Variants in TNRC6B observed in about 807,000 individuals in gnomAD.
TNRC6B encodes trinucleotide repeat containing adaptor 6B, also known as trinucleotide repeat-containing gene 6B protein.
In TNRC6B, 52 loss-of-function variants were observed where a neutral mutation model predicts 203.6. The observed-to-expected ratio is 0.26, with a 90% CI of 0.20 to 0.32. The LOEUF (loss-of-function observed/expected upper bound fraction) is 0.32. Ranked by LOEUF, TNRC6B falls within the 10% of genes least tolerant of loss-of-function variation. The pLI is 1.00. For missense variants in TNRC6B, 1,923 were observed against 2,286.2 expected (o/e 0.84, Z 3.24); for synonymous variants, 838 against 845.7 (o/e 0.99, Z 0.16).
At chr22:40,184,038 G>T (rs2069171258) in intron 1 of TNRC6B, among the ~76,000 whole-genome samples, 1 of 152,154 alleles carries the variant, frequency 6.6e-6, no homozygotes, top group Non-Finnish European at 1.5e-5. Flanking sequence ...TAGGTCCATT[G>T]CCCACTTTAT....
At chr22:40,073,145 T>G (rs901602059) in intron 1 of TNRC6B, among the ~76,000 whole-genome samples, 4 of 149,438 alleles carry the variant, frequency 2.7e-5, no homozygotes, top group Non-Finnish European at 5.9e-5. Flanking sequence ...GCCTTGGTTT[T>G]TTTTTTTTTT....
chr22:40,285,681 C>T lies in TNRC6B; in HGVS notation c.3619C>T (p.Gln1207Ter). 6.2e-7 allele frequency: 1 copy of T among 1,613,908 alleles called. No individual in the cohort carries two copies. Among genetic ancestry groups the T allele is most frequent in the Non-Finnish European group, 8.5e-7 (1 of 1,179,864 alleles). ...SHGLFGNSTA[Q>*]SRGLHTPVQP... ...TGGTTTGTTTGGAAACAGCACAGCA[C>T]AATCGAGAGGTCTGCACACACCCGT... Residue 1207 changes from glutamine to a stop codon, truncating the protein, a stop_gained, in exon 12 of 23, where the codon CAA becomes TAA. Transcript: ENST00000454349. LOFTEE classifies it high-confidence loss of function.
At chr22:40,102,353 T>C (rs1489499513) in intron 1 of TNRC6B, among the ~76,000 whole-genome samples, 2 of 152,100 alleles carry the variant, frequency 1.3e-5, no homozygotes, top group Non-Finnish European at 2.9e-5. Context: ...TATTTGTTGT[T>C]GTCCCTTATT....
chr22:40,143,703 A>G (rs183668362), intron 3 of TNRC6B, among the ~76,000 whole-genome samples: 2,214 of 152,204 alleles, frequency 0.015, 26 homozygotes, highest in Non-Finnish European at 0.025. Context: ...TCACCGTGTT[A>G]GCCAGGATGG....
At position 40,271,074 on chromosome 22, in the gene TNRC6B, T is replaced by C. The variant is rs538427305; in HGVS notation, c.2965+794T>C. Among the ~76,000 whole-genome samples, 3 of 152,352 alleles carry C rather than the reference T, an allele frequency of 2.0e-5. No homozygotes were observed. The East Asian group carries it at 5.8e-4, about 29-fold the overall frequency. On this transcript the variant is annotated intron_variant, in intron 6 of 22. Transcript: ENST00000454349. ...CTGGCATAAATTTCACTTCAATTTT[T>C]TAAATGAAGAACGTCACACTTATTC... is the stretch of plus-strand genomic sequence containing the variant.
At chr22:40,278,120 A>C in intron 9 of TNRC6B, 76 bp downstream of exon 9, 1 of 1,154,420 alleles carries the variant, frequency 8.7e-7, no homozygotes. Flanking sequence ...GCCCAATTTG[A>C]TTAGGGATAG....
chr22:40,081,552 G>T (rs1394412503), intron 1 of TNRC6B, among the ~76,000 whole-genome samples: 1 of 152,076 alleles, frequency 6.6e-6, no homozygotes, highest in Non-Finnish European at 1.5e-5. Flanking sequence ...CATGGCTTTG[G>T]AATTAGATAA....
rs540777904 is a variant in TNRC6B at position 40,207,719 on chromosome 22, G to A, written c.5+29579G>A. 5.9e-5 allele frequency among the ~76,000 whole-genome samples: 9 copies of A among 152,088 alleles called. No individual in the cohort carries two copies. In the South Asian group the frequency reaches 1.9e-3, roughly 32 times the overall value. On this transcript the variant is annotated intron_variant, in intron 1 of 22. Transcript: ENST00000454349. ...GAAAATCCAAATGGCCAATAAATGTGGAGGGGGAAATACAACTTAATTAGT... is the reference window on the plus strand; with the variant it reads ...GAAAATCCAAATGGCCAATAAATGTAGAGGGGGAAATACAACTTAATTAGT...
At chr22:40,185,098 C>G (rs1421472445) in intron 1 of TNRC6B, among the ~76,000 whole-genome samples, 1 of 152,204 alleles carries the variant, frequency 6.6e-6, no homozygotes, top group East Asian at 1.9e-4. Flanking sequence ...TCAAGCGATT[C>G]TCCTGTCTCA....
chr22:40,214,733 T>C (rs1435749405), intron 1 of TNRC6B, among the ~76,000 whole-genome samples: 1 of 152,158 alleles, frequency 6.6e-6, no homozygotes, highest in African/African-American at 2.4e-5. Flanking sequence ...TTTTTTATTT[T>C]TGTGGAGATA....
chr22:40,264,706 C>T lies in TNRC6B; in HGVS notation c.476C>T (p.Ala159Val). 1 of 1,596,848 alleles carries T rather than the reference C, an allele frequency of 6.3e-7. No homozygotes were observed. The highest frequency in any genetic ancestry group is 8.5e-7 in the Non-Finnish European group (1 of 1,170,348). ...GTAPDSTLGG[A>V]AASNYANSTW... ...TCCCCAGACTCAACCCTTGGAGGTG[C>T]TGCTGCTTCAAATTATGCAAATTCC... The change falls in exon 5 of 23, where the codon GCT (alanine) becomes GTT (valine). Residue 159 changes from alanine (A) to valine (V), a missense_variant. By Grantham distance (64) the Ala-to-Val change is moderately conservative. Coordinates refer to ENST00000454349, the MANE Select transcript of TNRC6B (RefSeq NM_001162501.2).
intron 1 of TNRC6B, among the ~76,000 whole-genome samples, chr22:40,059,907 C>T (rs2067834704): frequency 6.7e-6 from 1 of 149,780 alleles, no homozygotes; most frequent in East Asian, 2.0e-4. Context: ...ACTGCAACCT[C>T]CGCCTCCCAG....
intron 1 of TNRC6B, among the ~76,000 whole-genome samples, chr22:40,072,184 A>G (rs2067955179): frequency 6.6e-6 from 1 of 152,252 alleles, no homozygotes; most frequent in Admixed American, 6.5e-5. Context: ...GTGTCTGAGT[A>G]TTATTCAGAC....
intron 12 of TNRC6B, among the ~76,000 whole-genome samples, chr22:40,294,503 A>T (rs568100737): frequency 6.6e-6 from 1 of 152,292 alleles, no homozygotes; most frequent in South Asian, 2.1e-4. Context: ...TGCATCTACA[A>T]AGACTCTATT....
rs1434056839 is a variant in TNRC6B at position 40,308,582 on chromosome 22, A to G, written c.4191A>G (p.Lys1397=). The part of the protein sequence containing the change: ...GKEAGTESRF[K]QWTSMMEGLP... ...AGGCTGGAACCGAGTCTCGCTTTAA[A>G]CAGTGGACCTCCATGATGGAGGGGC... Residue 1397 remains lysine (K), a synonymous_variant, in exon 16 of 23, where the codon AAA becomes AAG. Transcript: ENST00000454349. 6.2e-7 allele frequency: 1 copy of G among 1,613,874 alleles called. No homozygotes were observed. Among genetic ancestry groups the G allele is most frequent in the Non-Finnish European group, 8.5e-7 (1 of 1,179,892 alleles).
At position 40,315,460 on chromosome 22, in the gene TNRC6B, C is replaced by A; in HGVS notation, c.4856C>A (p.Pro1619His). 1 of 1,613,996 alleles carries A rather than the reference C, an allele frequency of 6.2e-7. No individual in the cohort carries two copies. The highest frequency in any genetic ancestry group is 8.5e-7 in the Non-Finnish European group (1 of 1,179,904). ...TCATCTCCCTGGAGCAGCACAGCAC[C>A]CCGATCAGTCAGGGGGTGGGGGACA... ...KPSSPWSSTA[P>H]RSVRGWGTQD... Residue 1619 changes from proline to histidine, a missense_variant, in exon 20 of 23, where the codon CCC becomes CAC. Around this residue, in one of 8 missense-constraint regions of TNRC6B, gnomAD observed 159 missense variants for 181.0 expected, o/e 0.88. Transcript: ENST00000454349.
chr22:40,195,541 C>T (rs896550149), intron 1 of TNRC6B, among the ~76,000 whole-genome samples: 1 of 152,092 alleles, frequency 6.6e-6, no homozygotes, highest in Non-Finnish European at 1.5e-5. Flanking sequence ...TAGCTCACTA[C>T]AGCCTCAAAC....
chr22:40,211,955 G>T (rs529332486), intron 1 of TNRC6B, among the ~76,000 whole-genome samples: 2 of 152,280 alleles, frequency 1.3e-5, no homozygotes, highest in Admixed American at 1.3e-4. Context: ...TTCTCCTGCT[G>T]GATAGTCTTT....
At chr22:40,201,166 A>G (rs929472426) in intron 1 of TNRC6B, among the ~76,000 whole-genome samples, 1 of 152,166 alleles carries the variant, frequency 6.6e-6, no homozygotes, top group Non-Finnish European at 1.5e-5. Flanking sequence ...ATTGCCTTGT[A>G]TACATTTTTG....
Sources: allele counts gnomAD v4.1 joint callset (sites outside exome capture counted in the v4.1 genomes callset), GRCh38; gene constraint gnomAD v4.1.1; regional missense constraint gnomAD v4.1.1; transcripts MANE v1.5; gene names NCBI Gene and HGNC (gene_info 2026-07-23, HGNC 2026-07-21).